The following TRMT9B variants were observed in gnomAD, a reference collection of about 807,000 sequenced individuals.
TRMT9B encodes probable tRNA methyltransferase 9B.
TRMT9B carries 16 observed loss-of-function variants against 11.5 expected under a neutral mutation model. The observed-to-expected ratio is 1.39, with a 90% confidence interval of 0.94 to 2.11. The LOEUF (loss-of-function observed/expected upper bound fraction) is 2.11, where lower values mean the gene tolerates loss of function less well. TRMT9B is among the 30% of genes most tolerant of loss of function. TRMT9B has a pLI of 0.00. For synonymous variants in TRMT9B, 274 were observed against 192.4 expected, an observed-to-expected ratio of 1.42 and a Z score of -3.51; for missense variants, 941 against 553.8, an observed-to-expected ratio of 1.70 and a Z score of -7.02.
chr8:12,977,666 A>G lies in TRMT9B; in HGVS notation c.-199-13168A>G, dbSNP rs185112429. ...CAGTGAGCTGAGATCACGCAACTGCATTCCAGCCTTGTGACAGAGCAAGAC... is the reference window on the plus strand; with the variant it reads ...CAGTGAGCTGAGATCACGCAACTGCGTTCCAGCCTTGTGACAGAGCAAGAC... On this transcript the variant is annotated intron_variant, in intron 1 of 4. Transcript: ENST00000524591. Among the ~76,000 whole-genome samples, 74 of 152,272 alleles carry G rather than the reference A, an allele frequency of 4.9e-4. 1 individual carries two copies. The South Asian group carries it at 0.012, about 26-fold the overall frequency.
At chr8:12,980,422 T>C (rs986272390) in intron 1 of TRMT9B, among the ~76,000 whole-genome samples, 1 of 152,066 alleles carries the variant, frequency 6.6e-6, no homozygotes, top group African/African-American at 2.4e-5. Context: ...AATAAGGTCA[T>C]ATTCCCAGGT....
intron 1 of TRMT9B, among the ~76,000 whole-genome samples, chr8:12,967,991 G>T (rs966140905): frequency 6.6e-6 from 1 of 152,128 alleles, no homozygotes; most frequent in South Asian, 2.1e-4. Context: ...CGCCTACTGG[G>T]CTCTCACCTC....
chr8:12,975,706 C>T (rs1804342227), intron 1 of TRMT9B, among the ~76,000 whole-genome samples: 1 of 151,662 alleles, frequency 6.6e-6, no homozygotes, highest in Admixed American at 6.6e-5. Context: ...CCACTGCACT[C>T]CAGTGTGGGC....
rs1205770766 is a variant in TRMT9B at position 13,024,836 on chromosome 8, G to A, written c.*2792G>A. 2 of 166,766 alleles carry A rather than the reference G, an allele frequency of 1.2e-5. No homozygotes were observed. The highest frequency in any genetic ancestry group is 2.9e-5 in the Non-Finnish European group (2 of 68,088). The allele number at this position is 166,766 out of a possible 1,614,324, so 10.3% of individuals were successfully genotyped here. A position where few individuals can be genotyped will look rare whatever the true frequency, so the allele number is the denominator to read the frequency against. Reference sequence around the variant, plus strand: ...TATTTTGTATACAAATATTTAATTTGGTGATTGATAATCTCTCTTTGGGGT... The same window carrying A: ...TATTTTGTATACAAATATTTAATTTAGTGATTGATAATCTCTCTTTGGGGT... On this transcript the variant is annotated 3_prime_UTR_variant, in exon 5 of 5. Transcript: ENST00000524591.
At chr8:13,001,912 G>C (rs180955379) in intron 2 of TRMT9B, among the ~76,000 whole-genome samples, 56 of 152,242 alleles carry the variant, frequency 3.7e-4, no homozygotes, top group African/African-American at 1.3e-3. Context: ...CCGTGCTCTT[G>C]TTTTAGTACT....
intron 4 of TRMT9B, among the ~76,000 whole-genome samples, chr8:13,018,602 G>C (rs868625275): frequency 6.6e-6 from 1 of 152,060 alleles, no homozygotes; most frequent in Non-Finnish European, 1.5e-5. Flanking sequence ...TGTGAACACT[G>C]AATTAATAAA....
At chr8:12,958,949 C>A (rs1001108566) in intron 1 of TRMT9B, among the ~76,000 whole-genome samples, 3 of 151,838 alleles carry the variant, frequency 2.0e-5, no homozygotes, top group Non-Finnish European at 2.9e-5. Flanking sequence ...TGTCAGGGGT[C>A]GGGGGCTGTG....
intron 3 of TRMT9B, chr8:13,010,240 G>C (rs941523552): frequency 1.1e-6 from 1 of 882,454 alleles, no homozygotes; most frequent in Non-Finnish European, 1.4e-6. Flanking sequence ...TGTATCTTTT[G>C]AATTTTGTAC....
Position 13,026,797 on chromosome 8 carries a change from C to G in TRMT9B, c.*4753C>G, listed in dbSNP as rs1814739596. ...TCTTAACCACAACACCATATACTCC[C>G]ACCCCTGGGCCCAGCTCATGTGCTT... On this transcript the variant is annotated 3_prime_UTR_variant, in exon 5 of 5. Coordinates refer to ENST00000524591, the MANE Select transcript of TRMT9B (RefSeq NM_020844.3). The G allele has an allele frequency of 1.2e-5, 2 of 167,050 alleles. No individual in the cohort carries two copies. The highest frequency in any genetic ancestry group is 2.4e-5 in the African/African-American group (1 of 41,428). The allele number at this position is 167,050 out of a possible 1,614,324, so 10.3% of individuals were successfully genotyped here. A position where few individuals can be genotyped will look rare whatever the true frequency, so the allele number is the denominator to read the frequency against.
chr8:12,987,489 GA>G (rs1806525428), intron 1 of TRMT9B, among the ~76,000 whole-genome samples: 1 of 152,134 alleles, frequency 6.6e-6, no homozygotes, highest in African/African-American at 2.4e-5. Context: ...CCAGGAGTTT[GA>G]GACCAGCCTG....
chr8:13,006,470 T>C (rs1281993905), intron 3 of TRMT9B, 114 bp downstream of exon 3: 3 of 1,565,088 alleles, frequency 1.9e-6, no homozygotes, highest in African/African-American at 2.7e-5. Flanking sequence ...ATTGCTGTCA[T>C]AGGTAACCCA....
rs567233549 is a variant in TRMT9B at position 13,017,762 on chromosome 8, C to A, written c.329-3246C>A. On this transcript the variant is annotated intron_variant, in intron 4 of 4. Transcript: ENST00000524591. ...CTGAGTAACTTGGACCATAGACACA[C>A]ACCACCACGCCCAGCTAATTTTTTT... is the stretch of plus-strand genomic sequence containing the variant. 2.1e-3 allele frequency among the ~76,000 whole-genome samples: 323 copies of A among 151,858 alleles called. 1 individual carries two copies. Among genetic ancestry groups the A allele is most frequent in the African/African-American group, 7.4e-3 (305 of 41,414 alleles).
At chr8:12,965,203 G>T (rs1356088829) in intron 1 of TRMT9B, among the ~76,000 whole-genome samples, 1 of 152,222 alleles carries the variant, frequency 6.6e-6, no homozygotes, top group Non-Finnish European at 1.5e-5. Flanking sequence ...AAGCCTCTGT[G>T]TGTGATATAA....
intron 2 of TRMT9B, among the ~76,000 whole-genome samples, chr8:12,993,015 G>C (rs566983782): frequency 2.0e-5 from 3 of 152,198 alleles, no homozygotes; most frequent in Non-Finnish European, 4.4e-5. Flanking sequence ...GAGCATTGCC[G>C]GTGAGAGAGA....
intron 1 of TRMT9B, among the ~76,000 whole-genome samples, chr8:12,962,385 C>T (rs1032682119): frequency 1.3e-5 from 2 of 152,208 alleles, no homozygotes; most frequent in African/African-American, 4.8e-5. Context: ...AGTTTGTCTA[C>T]TTGTTAAAAT....
chr8:12,954,113 A>C (rs968847761), intron 1 of TRMT9B, among the ~76,000 whole-genome samples: 26 of 152,206 alleles, frequency 1.7e-4, no homozygotes, highest in Non-Finnish European at 2.9e-5. Context: ...CCCTGTGTGA[A>C]TGGTTAACTC....
intron 1 of TRMT9B, among the ~76,000 whole-genome samples, chr8:12,964,366 C>A (rs1369534159): frequency 6.6e-6 from 1 of 152,140 alleles, no homozygotes; most frequent in Non-Finnish European, 1.5e-5. Flanking sequence ...GTGTGATAGC[C>A]ACTCACCAGA....
intron 2 of TRMT9B, among the ~76,000 whole-genome samples, chr8:13,000,138 GAA>G (rs1809146013): frequency 6.6e-6 from 1 of 152,162 alleles, no homozygotes; most frequent in African/African-American, 2.4e-5. Flanking sequence ...CCAGGACAAG[GAA>G]CATTTCATTG....
In TRMT9B at chr8:13,021,894, C is replaced by T; in HGVS notation, c.1215C>T (p.Ser405=). The T allele has an allele frequency of 6.2e-7, 1 of 1,613,754 alleles. No individual in the cohort carries two copies. Among genetic ancestry groups the T allele is most frequent in the East Asian group, 2.2e-5 (1 of 44,850 alleles). Reference sequence around the variant, plus strand: ...ATCCACAGACTGATGTTTTGGACTCCACAGCCTTTATGCGCTACTACCATG... The same window carrying T: ...ATCCACAGACTGATGTTTTGGACTCTACAGCCTTTATGCGCTACTACCATG... ...VEDPQTDVLD[S]TAFMRYYHVF... Residue 405 remains serine, a synonymous_variant, in exon 5 of 5, where the codon TCC becomes TCT. Coordinates refer to ENST00000524591, the MANE Select transcript of TRMT9B (RefSeq NM_020844.3).
Sources: gnomAD v4.1 joint callset for allele counts (sites outside exome capture counted in the v4.1 genomes callset) on GRCh38, gnomAD v4.1.1 for gene constraint, MANE v1.5 for transcripts, NCBI Gene and HGNC (gene_info 2026-07-23, HGNC 2026-07-21) for gene names.